Variants in ANK2 observed in about 807,000 individuals in gnomAD.
The protein encoded by ANK2 is ankyrin-2.
ANK2 carries 83 observed loss-of-function variants against 360.5 expected under a neutral mutation model. The observed-to-expected ratio is 0.23, with a 90% CI of 0.19 to 0.28. The LOEUF (loss-of-function observed/expected upper bound fraction) is 0.28. Ranked by LOEUF, ANK2 falls within the 10% of genes least tolerant of loss-of-function variation. ANK2 has a pLI of 1.00. For synonymous variants in ANK2, 1,740 were observed against 1,759.5 expected, an observed-to-expected ratio of 0.99 and a Z score of 0.28; for missense variants, 4,201 against 4,795.7, an observed-to-expected ratio of 0.88 and a Z score of 3.66.
At chr4:112,873,540 C>CTT (rs556434015) in intron 1 of ANK2, among the ~76,000 whole-genome samples, 46 of 139,886 alleles carry the variant, frequency 3.3e-4, no homozygotes, top group Admixed American at 7.2e-4. Context: ...CTTTTTCTTT[C>CTT]TTTTTTTTTT....
At chr4:112,893,535 T>G (rs1385549797) in intron 1 of ANK2, among the ~76,000 whole-genome samples, 1 of 152,200 alleles carries the variant, frequency 6.6e-6, no homozygotes, top group Non-Finnish European at 1.5e-5. Context: ...ACTGCGACTA[T>G]TTTTGCACCA....
intron 18 of ANK2, among the ~76,000 whole-genome samples, chr4:113,284,744 G>A (rs1392947904): frequency 6.6e-6 from 1 of 152,038 alleles, no homozygotes; most frequent in Non-Finnish European, 1.5e-5. Context: ...TAAAACTTTA[G>A]TAAGTTTACA....
chr4:113,155,237 C>A (rs990480467), intron 1 of ANK2, among the ~76,000 whole-genome samples: 9 of 152,238 alleles, frequency 5.9e-5, no homozygotes, highest in African/African-American at 2.2e-4. Flanking sequence ...TTCCAATACA[C>A]TGTTCTCAGG....
At chr4:113,379,583 C>A (rs1219425748) in intron 45 of ANK2, among the ~76,000 whole-genome samples, 1 of 151,848 alleles carries the variant, frequency 6.6e-6, no homozygotes, top group Non-Finnish European at 1.5e-5. Context: ...CAGAAATAGT[C>A]AGAAAAGTGC....
At chr4:112,821,674 T>C (rs1232192164) in intron 1 of ANK2, among the ~76,000 whole-genome samples, 2 of 151,944 alleles carry the variant, frequency 1.3e-5, no homozygotes, top group African/African-American at 4.8e-5. Flanking sequence ...TCTTCTACCC[T>C]AATTAATAAG....
chr4:113,086,036 G>A (rs2154350361), intron 1 of ANK2, among the ~76,000 whole-genome samples: 1 of 152,228 alleles, frequency 6.6e-6, no homozygotes, highest in East Asian at 1.9e-4. Context: ...TATAGAAACT[G>A]TAAAAGATTT....
intron 1 of ANK2, among the ~76,000 whole-genome samples, chr4:112,859,445 G>C (rs1406447254): frequency 6.6e-6 from 1 of 152,146 alleles, no homozygotes; most frequent in Non-Finnish European, 1.5e-5. Flanking sequence ...GGAAGAGTGA[G>C]AGGAGCTGAG....
intron 2 of ANK2, among the ~76,000 whole-genome samples, chr4:112,994,414 A>G (rs6820222): frequency 0.73 from 110,364 of 152,074 alleles, 40,249 homozygotes; most frequent in Admixed American, 0.8. Flanking sequence ...AAGTAATGTG[A>G]TCTTTTACAA....
the ANK2 span, among the ~76,000 whole-genome samples, chr4:112,750,978 C>T: frequency 6.6e-6 from 1 of 152,204 alleles, no homozygotes; most frequent in Admixed American, 6.5e-5. Context: ...CCACCTGCCT[C>T]TGCCTTTCAA....
intron 1 of ANK2, among the ~76,000 whole-genome samples, chr4:113,068,096 T>C (rs1279268645): frequency 1.3e-5 from 2 of 152,206 alleles, no homozygotes; most frequent in Admixed American, 6.5e-5. Flanking sequence ...GGCATTTTTA[T>C]TTCTTTCTCA....
In ANK2 at chr4:113,282,983, A is replaced by G. The variant is rs1473603008; in HGVS notation, c.2079+111A>G. ...AGCAATGTATTAAAAAGAAACAGGGATATCTTACAGACCCCAAGGACAGGA... is the reference window on the plus strand; with the variant it reads ...AGCAATGTATTAAAAAGAAACAGGGGTATCTTACAGACCCCAAGGACAGGA... On this transcript the variant is annotated intron_variant, in intron 18 of 45. Coordinates refer to ENST00000357077, the MANE Select transcript of ANK2 (RefSeq NM_001148.6). 6.5e-6 allele frequency: 8 copies of G among 1,224,526 alleles called. No homozygotes were observed. In the East Asian group the frequency reaches 7.4e-5, roughly 11 times the overall value. The allele number at this position is 1,224,526 out of a possible 1,614,324, so 75.9% of individuals were successfully genotyped here. A position where few individuals can be genotyped will look rare whatever the true frequency, so the allele number is the denominator to read the frequency against.
chr4:113,250,767 G>A lies in ANK2; in HGVS notation c.990+905G>A, dbSNP rs577687712. 2.2e-3 allele frequency among the ~76,000 whole-genome samples: 44 copies of A among 20,172 alleles called. 1 individual carries two copies. The highest frequency in any genetic ancestry group is 0.025 in the Middle Eastern group (1 of 40). 13.2% of individuals were successfully genotyped at this position (20,172 alleles called of 152,430 possible). A position where few individuals can be genotyped will look rare whatever the true frequency, so the allele number is the denominator to read the frequency against. On this transcript the variant is annotated intron_variant, in intron 10 of 45. Transcript: ENST00000357077. ...ACCTCATACCACCGCCCCCCCCCCC[G>A]ACAGAGTTGGTATCAACTAATGCTA...
chr4:113,203,230 T>C (rs142991814), intron 4 of ANK2, among the ~76,000 whole-genome samples: 14 of 152,332 alleles, frequency 9.2e-5, no homozygotes, highest in African/African-American at 3.4e-4. Flanking sequence ...GGGACATTTG[T>C]TTGGTCACTT....
chr4:112,763,459 C>G, the ANK2 span, among the ~76,000 whole-genome samples: 5 of 151,838 alleles, frequency 3.3e-5, no homozygotes, highest in Non-Finnish European at 7.4e-5. Context: ...GTCTCGATCT[C>G]CTGACCTCGT....
chr4:112,891,282 T>A (rs1333570402), intron 1 of ANK2, among the ~76,000 whole-genome samples: 1 of 152,214 alleles, frequency 6.6e-6, no homozygotes, highest in African/African-American at 2.4e-5. Context: ...AGTGAATGCA[T>A]GATAGAATTT....
At chr4:113,208,948 G>A (rs927137310) in intron 4 of ANK2, among the ~76,000 whole-genome samples, 8 of 151,836 alleles carry the variant, frequency 5.3e-5, no homozygotes, top group Non-Finnish European at 1.0e-4. Flanking sequence ...TGAGACTGCC[G>A]GAGCAGTAAA....
intron 1 of ANK2, among the ~76,000 whole-genome samples, chr4:113,165,230 G>T (rs1329860302): frequency 6.6e-6 from 1 of 152,062 alleles, no homozygotes; most frequent in Non-Finnish European, 1.5e-5. Flanking sequence ...TTAAAAATAA[G>T]TTTTTCATTA....
chr4:112,727,395 C>T, the ANK2 span, among the ~76,000 whole-genome samples: 1 of 151,704 alleles, frequency 6.6e-6, no homozygotes, highest in East Asian at 1.9e-4. Context: ...AATTAAACAA[C>T]CTAATATTAC....
chr4:113,156,464 G>A (rs561503127), intron 1 of ANK2, among the ~76,000 whole-genome samples: 5 of 147,060 alleles, frequency 3.4e-5, no homozygotes, highest in South Asian at 2.1e-4. Context: ...TCCGCCTCCC[G>A]GGCTCAAGTG....
Sources: gnomAD v4.1 joint callset for allele counts (sites outside exome capture counted in the v4.1 genomes callset) on GRCh38, gnomAD v4.1.1 for gene constraint, MANE v1.5 for transcripts, NCBI Gene and HGNC (gene_info 2026-07-23, HGNC 2026-07-21) for gene names.